Variants in RAP2B observed in about 807,000 individuals in gnomAD.
The protein encoded by RAP2B is ras-related protein Rap-2b.
A neutral mutation model predicts 14.4 loss-of-function variants in RAP2B; 6 were observed. The ratio of observed to expected loss-of-function variants is 0.42; its 90% confidence interval spans 0.23 to 0.82. RAP2B has a LOEUF of 0.82. RAP2B is among the 40% of genes least tolerant of loss of function. The probability of loss-of-function intolerance (pLI) is 0.30; values close to 1 mark genes in which losing one functional copy is unlikely to be tolerated. For synonymous variants in RAP2B, 118 were observed against 113.2 expected, an observed-to-expected ratio of 1.04 and a Z score of -0.27; for missense variants, 137 against 248.2, an observed-to-expected ratio of 0.55 and a Z score of 3.01.
At position 153,163,435 on chromosome 3, in the gene RAP2B, G is replaced by C. The variant is rs1008203597; in HGVS notation, c.*190G>C. 3.1e-4 allele frequency: 221 copies of C among 705,190 alleles called. 1 individual carries two copies. The highest frequency in any genetic ancestry group is 2.4e-3 in the Middle Eastern group (6 of 2,460). 43.7% of individuals were successfully genotyped at this position (705,190 alleles called of 1,614,324 possible). ...TGTGCCCGAGGGGGTGTCCGGTCCT[G>C]CCCATCCGATACTCTGGTGGAAATG... On this transcript the variant is annotated 3_prime_UTR_variant, in exon 1 of 1. Coordinates refer to ENST00000323534, the MANE Select transcript of RAP2B (RefSeq NM_002886.4).
Position 153,168,351 on chromosome 3 carries a change from ATAT to A in RAP2B, c.*5110_*5112del, listed in dbSNP as rs766334152. ...AGCTACTATTTAGATGCTGAGAATA[ATAT>A]TATCATGCTTGGGTGGGGAAGAAAG... On this transcript the variant is annotated 3_prime_UTR_variant, in exon 1 of 1. Transcript: ENST00000323534. 3.0e-5 allele frequency: 5 copies of A among 167,084 alleles called. No individual in the cohort carries two copies. Among genetic ancestry groups the A allele is most frequent in the Admixed American group, 6.5e-5 (1 of 15,286 alleles). The allele number at this position is 167,084 out of a possible 1,614,324, so 10.4% of individuals were successfully genotyped here. A position where few individuals can be genotyped will look rare whatever the true frequency, so the allele number is the denominator to read the frequency against.
chr3:153,162,505 GCCGCCGGCCGGCCCGGCGCCC>G lies in RAP2B; in HGVS notation c.-188_-168del. The G allele has an allele frequency of 1.6e-6, 1 of 614,272 alleles. No individual in the cohort carries two copies. The allele number at this position is 614,272 out of a possible 1,614,324, so 38.1% of individuals were successfully genotyped here. On this transcript the variant is annotated 5_prime_UTR_variant, in exon 1 of 1. Transcript: ENST00000323534. The surrounding 1 kb of genome is among the most constrained non-coding windows in gnomAD (Gnocchi z 4.9). ...CGCACCCCAGGGATACGCTGCCGCC[GCCGCCGGCCGGCCCGGCGCCC>G]GGCCTCCGTTCGGTGGTTTCCGCCC...
rs1713550530 is a variant in RAP2B at position 153,165,549 on chromosome 3, C to T, written c.*2304C>T. 1 of 166,088 alleles carries T rather than the reference C, an allele frequency of 6.0e-6. No homozygotes were observed. The highest frequency in any genetic ancestry group is 1.5e-5 in the Non-Finnish European group (1 of 67,994). 10.3% of individuals were successfully genotyped at this position (166,088 alleles called of 1,614,324 possible). A position where few individuals can be genotyped will look rare whatever the true frequency, so the allele number is the denominator to read the frequency against. ...AAAGAAATTAACAGGCCACAGGTTT[C>T]TTTAAAGCTGTGTTAACATATCTTG... On this transcript the variant is annotated 3_prime_UTR_variant, in exon 1 of 1. Coordinates refer to ENST00000323534, the MANE Select transcript of RAP2B (RefSeq NM_002886.4).
In RAP2B at chr3:153,162,568, C is replaced by A; in HGVS notation, c.-126C>A. 8.4e-7 allele frequency: 1 copy of A among 1,190,370 alleles called. No homozygotes were observed. Among genetic ancestry groups the A allele is most frequent in the Non-Finnish European group, 1.1e-6 (1 of 877,398 alleles). The allele number at this position is 1,190,370 out of a possible 1,614,324, so 73.7% of individuals were successfully genotyped here. On this transcript the variant is annotated 5_prime_UTR_variant, in exon 1 of 1. Coordinates refer to ENST00000323534, the MANE Select transcript of RAP2B (RefSeq NM_002886.4). This position sits in a 1 kb window ranked among gnomAD's most constrained non-coding sequence, Gnocchi z 4.9. ...TTTCCGCCCTGCGTTCTCTGGGTTG[C>A]TCTCTCCTGGGTTTTTCCTGCGTAG...
In RAP2B at chr3:153,167,626, T is replaced by C. The variant is rs1713615114; in HGVS notation, c.*4381T>C. 1 of 167,066 alleles carries C rather than the reference T, an allele frequency of 6.0e-6. No individual in the cohort carries two copies. Among genetic ancestry groups the C allele is most frequent in the African/African-American group, 2.4e-5 (1 of 41,468 alleles). 10.3% of individuals were successfully genotyped at this position (167,066 alleles called of 1,614,324 possible). A position where few individuals can be genotyped will look rare whatever the true frequency, so the allele number is the denominator to read the frequency against. ...TACTACAGTTAGAGAATAATCTCTA[T>C]TGAAATCTAAGCTAAAGAGGACATA... On this transcript the variant is annotated 3_prime_UTR_variant, in exon 1 of 1. Coordinates refer to ENST00000323534, the MANE Select transcript of RAP2B (RefSeq NM_002886.4).
Position 153,170,234 on chromosome 3 carries a change from T to C in RAP2B, c.*6989T>C, listed in dbSNP as rs1475349533. 6.6e-6 allele frequency: 1 copy of C among 152,194 alleles called. No individual in the cohort carries two copies. The highest frequency in any genetic ancestry group is 1.9e-4 in the East Asian group (1 of 5,204). The allele number at this position is 152,194 out of a possible 1,614,324, so 9.4% of individuals were successfully genotyped here. Reference sequence around the variant, plus strand: ...GAAAAGAGAAAGATTATTGATGCCTTGTGAATACAGGTGTCCCCAAAAGGC... The same window carrying C: ...GAAAAGAGAAAGATTATTGATGCCTCGTGAATACAGGTGTCCCCAAAAGGC... On this transcript the variant is annotated 3_prime_UTR_variant, in exon 1 of 1. Transcript: ENST00000323534.
At position 153,162,498 on chromosome 3, in the gene RAP2B, T is replaced by A. The variant is rs1179228563; in HGVS notation, c.-196T>A. 1 of 569,756 alleles carries A rather than the reference T, an allele frequency of 1.8e-6. No individual in the cohort carries two copies. Among genetic ancestry groups the A allele is most frequent in the Admixed American group, 3.8e-5 (1 of 26,470 alleles). 35.3% of individuals were successfully genotyped at this position (569,756 alleles called of 1,614,324 possible). A position where few individuals can be genotyped will look rare whatever the true frequency, so the allele number is the denominator to read the frequency against. On this transcript the variant is annotated 5_prime_UTR_variant, in exon 1 of 1. Coordinates refer to ENST00000323534, the MANE Select transcript of RAP2B (RefSeq NM_002886.4). The surrounding 1 kb of genome is among the most constrained non-coding windows in gnomAD (Gnocchi z 4.9). ...CCGGACCCGCACCCCAGGGATACGC[T>A]GCCGCCGCCGCCGGCCGGCCCGGCG...
At position 153,163,565 on chromosome 3, in the gene RAP2B, C is replaced by A; in HGVS notation, c.*320C>A. 8.8e-6 allele frequency: 2 copies of A among 227,036 alleles called. No homozygotes were observed. Among genetic ancestry groups the A allele is most frequent in the East Asian group, 9.4e-5 (1 of 10,674 alleles). The allele number at this position is 227,036 out of a possible 1,614,324, so 14.1% of individuals were successfully genotyped here. A position where few individuals can be genotyped will look rare whatever the true frequency, so the allele number is the denominator to read the frequency against. On this transcript the variant is annotated 3_prime_UTR_variant, in exon 1 of 1. Transcript: ENST00000323534. Reference sequence around the variant, plus strand: ...TATCGGCAGCTTGACACCCACCAAGCAAAAGTTTCAGCCTGGAAAAAAAAT... The same window carrying A: ...TATCGGCAGCTTGACACCCACCAAGAAAAAGTTTCAGCCTGGAAAAAAAAT...
In RAP2B at chr3:153,167,755, T is replaced by G. The variant is rs140726479; in HGVS notation, c.*4510T>G. 3 of 167,152 alleles carry G rather than the reference T, an allele frequency of 1.8e-5. No individual in the cohort carries two copies. In the East Asian group the frequency reaches 5.8e-4, roughly 32 times the overall value. The allele number at this position is 167,152 out of a possible 1,614,324, so 10.4% of individuals were successfully genotyped here. On this transcript the variant is annotated 3_prime_UTR_variant, in exon 1 of 1. Transcript: ENST00000323534. The stretch of plus-strand genomic sequence containing the variant: ...TTACAGGAACATTTTGACTATGGTT[T>G]TCAATGTTAATTCAGAAGTTGACTT...
chr3:153,166,887 C>G lies in RAP2B; in HGVS notation c.*3642C>G, dbSNP rs1420212996. On this transcript the variant is annotated 3_prime_UTR_variant, in exon 1 of 1. Transcript: ENST00000323534. ...TTTGTTATTGTACCCTCTTTTGGGT[C>G]ATATTCTAGTATTTCTCACAGGGGG... 5 of 166,922 alleles carry G rather than the reference C, an allele frequency of 3.0e-5. No individual in the cohort carries two copies. The highest frequency in any genetic ancestry group is 1.3e-4 in the Admixed American group (2 of 15,282). 10.3% of individuals were successfully genotyped at this position (166,922 alleles called of 1,614,324 possible).
chr3:153,164,952 T>G lies in RAP2B; in HGVS notation c.*1707T>G, dbSNP rs1014288144. 6.0e-6 allele frequency: 1 copy of G among 166,984 alleles called. No homozygotes were observed. The highest frequency in any genetic ancestry group is 2.4e-5 in the African/African-American group (1 of 41,446). The allele number at this position is 166,984 out of a possible 1,614,324, so 10.3% of individuals were successfully genotyped here. ...CTGGGTATGGCCATTACCATCTGAT[T>G]AGAAGATGAACAGGTATTTTGAATC... On this transcript the variant is annotated 3_prime_UTR_variant, in exon 1 of 1. Transcript: ENST00000323534.
chr3:153,162,509 C>A lies in RAP2B; in HGVS notation c.-185C>A. The A allele has an allele frequency of 1.6e-6, 1 of 633,410 alleles. No homozygotes were observed. Among genetic ancestry groups the A allele is most frequent in the Non-Finnish European group, 2.4e-6 (1 of 410,772 alleles). The allele number at this position is 633,410 out of a possible 1,614,324, so 39.2% of individuals were successfully genotyped here. On this transcript the variant is annotated 5_prime_UTR_variant, in exon 1 of 1. Coordinates refer to ENST00000323534, the MANE Select transcript of RAP2B (RefSeq NM_002886.4). The surrounding 1 kb of genome is among the most constrained non-coding windows in gnomAD (Gnocchi z 4.9). ...CCCCAGGGATACGCTGCCGCCGCCGCCGGCCGGCCCGGCGCCCGGCCTCCG... is the reference window on the plus strand; with the variant it reads ...CCCCAGGGATACGCTGCCGCCGCCGACGGCCGGCCCGGCGCCCGGCCTCCG...
Position 153,164,058 on chromosome 3 carries a change from G to A in RAP2B, c.*813G>A, listed in dbSNP as rs1012326415. ...TCAAAGGGGAGTCTGGGGGAGAATG[G>A]TAGTATTTTTTTTTTTTATCAGCTG... On this transcript the variant is annotated 3_prime_UTR_variant, in exon 1 of 1. Transcript: ENST00000323534. 6 of 166,412 alleles carry A rather than the reference G, an allele frequency of 3.6e-5. No homozygotes were observed. The highest frequency in any genetic ancestry group is 2.0e-4 in the Admixed American group (3 of 15,226). 10.3% of individuals were successfully genotyped at this position (166,412 alleles called of 1,614,324 possible).
Position 153,163,161 on chromosome 3 carries a change from A to G in RAP2B, c.468A>G (p.Leu156=). Residue 156 remains leucine, a synonymous_variant, in exon 1 of 1, where the codon CTA becomes CTG. Transcript: ENST00000323534. Reference sequence around the variant, plus strand: ...AAAACAAAGCCTCGGTAGACGAGCTATTTGCCGAGATCGTGCGGCAGATGA... The same window carrying G: ...AAAACAAAGCCTCGGTAGACGAGCTGTTTGCCGAGATCGTGCGGCAGATGA... The part of the protein sequence containing the change: ...SAKNKASVDE[L]FAEIVRQMNY... The G allele has an allele frequency of 1.2e-6, 2 of 1,610,096 alleles. No homozygotes were observed. The highest frequency in any genetic ancestry group is 2.2e-5 in the East Asian group (1 of 44,758).
At position 153,162,772 on chromosome 3, in the gene RAP2B, T is replaced by G; in HGVS notation, c.79T>G (p.Ser27Ala). 6.2e-7 allele frequency: 1 copy of G among 1,613,990 alleles called. No homozygotes were observed. The highest frequency in any genetic ancestry group is 8.5e-7 in the Non-Finnish European group (1 of 1,179,984). Reference protein sequence around the residue: ...SALTVQFVTGSFIEKYDPTIE... With the variant: ...SALTVQFVTGAFIEKYDPTIE... ...GCTCACCGTGCAGTTCGTGACGGGC[T>G]CCTTCATCGAGAAGTACGACCCGAC... Residue 27 changes from serine (S) to alanine (A), a missense_variant, in exon 1 of 1, where the codon TCC becomes GCC. Physicochemically the swap from Ser to Ala is moderately conservative, Grantham distance 99. Around this residue, in one of 2 missense-constraint regions of RAP2B, gnomAD observed 31 missense variants for 104.7 expected, o/e 0.30. Coordinates refer to ENST00000323534, the MANE Select transcript of RAP2B (RefSeq NM_002886.4). The surrounding 1 kb of genome is among the most constrained non-coding windows in gnomAD (Gnocchi z 4.9).
At position 153,163,424 on chromosome 3, in the gene RAP2B, T is replaced by A; in HGVS notation, c.*179T>A. The A allele has an allele frequency of 1.3e-6, 1 of 754,276 alleles. No homozygotes were observed. Among genetic ancestry groups the A allele is most frequent in the Non-Finnish European group, 2.1e-6 (1 of 467,874 alleles). The allele number at this position is 754,276 out of a possible 1,614,324, so 46.7% of individuals were successfully genotyped here. A position where few individuals can be genotyped will look rare whatever the true frequency, so the allele number is the denominator to read the frequency against. On this transcript the variant is annotated 3_prime_UTR_variant, in exon 1 of 1. Coordinates refer to ENST00000323534, the MANE Select transcript of RAP2B (RefSeq NM_002886.4). ...TGCCTCCACCCTGTGCCCGAGGGGG[T>A]GTCCGGTCCTGCCCATCCGATACTC...
rs1713637225 is a variant in RAP2B at position 153,168,339 on chromosome 3, A to G, written c.*5094A>G. Reference sequence around the variant, plus strand: ...TGAGGGAGTAGTAGCTACTATTTAGATGCTGAGAATAATATTATCATGCTT... The same window carrying G: ...TGAGGGAGTAGTAGCTACTATTTAGGTGCTGAGAATAATATTATCATGCTT... On this transcript the variant is annotated 3_prime_UTR_variant, in exon 1 of 1. Coordinates refer to ENST00000323534, the MANE Select transcript of RAP2B (RefSeq NM_002886.4). 1 of 167,056 alleles carries G rather than the reference A, an allele frequency of 6.0e-6. No individual in the cohort carries two copies. The highest frequency in any genetic ancestry group is 2.1e-4 in the South Asian group (1 of 4,830). 10.3% of individuals were successfully genotyped at this position (167,056 alleles called of 1,614,324 possible).
rs542348721 is a variant in RAP2B, at chr3:153,167,130, C to T, written c.*3885C>T. On this transcript the variant is annotated 3_prime_UTR_variant, in exon 1 of 1. Transcript: ENST00000323534. Reference sequence around the variant, plus strand: ...TATTTGGGGAAAGTTTGCTAATATACATTTTGTCTGTGAAAATATAGTAAA... The same window carrying T: ...TATTTGGGGAAAGTTTGCTAATATATATTTTGTCTGTGAAAATATAGTAAA... 68 of 167,120 alleles carry T rather than the reference C, an allele frequency of 4.1e-4. No individual in the cohort carries two copies. Among genetic ancestry groups the T allele is most frequent in the African/African-American group, 1.5e-3 (62 of 41,548 alleles). 10.4% of individuals were successfully genotyped at this position (167,120 alleles called of 1,614,324 possible). A position where few individuals can be genotyped will look rare whatever the true frequency, so the allele number is the denominator to read the frequency against.
At position 153,162,678 on chromosome 3, in the gene RAP2B, G is replaced by C; in HGVS notation, c.-16G>C. 1 of 1,579,620 alleles carries C rather than the reference G, an allele frequency of 6.3e-7. No individual in the cohort carries two copies. The highest frequency in any genetic ancestry group is 8.6e-7 in the Non-Finnish European group (1 of 1,161,102). On this transcript the variant is annotated 5_prime_UTR_variant, in exon 1 of 1. Coordinates refer to ENST00000323534, the MANE Select transcript of RAP2B (RefSeq NM_002886.4). This position sits in a 1 kb window ranked among gnomAD's most constrained non-coding sequence, Gnocchi z 4.9. ...GACGGGGCCGCGGCAGGCGCGGCGAGAGCGCTGACGGAGCCATGAGAGAGT... is the reference window on the plus strand; with the variant it reads ...GACGGGGCCGCGGCAGGCGCGGCGACAGCGCTGACGGAGCCATGAGAGAGT...
Sources: gnomAD v4.1 joint callset for allele counts on GRCh38, gnomAD v4.1.1 for gene constraint, gnomAD v4.1.1 regional missense constraint, Gnocchi (gnomAD v3.1) non-coding constraint, MANE v1.5 for transcripts, NCBI Gene and HGNC (gene_info 2026-07-23, HGNC 2026-07-21) for gene names.